PRKG1: variants seen among roughly 807,000 people sequenced by gnomAD.
The protein encoded by PRKG1 is protein kinase cGMP-dependent 1, also known as cGMP-dependent protein kinase 1.
A neutral mutation model predicts 88.1 loss-of-function variants in PRKG1; 35 were observed. The observed-to-expected ratio is 0.40, with a 90% CI of 0.30 to 0.53. The LOEUF is 0.53. Among genes scored for constraint, PRKG1 ranks in the 20% least tolerant of loss-of-function variants. The pLI is 0.59. For synonymous variants in PRKG1, 303 were observed against 292.5 expected (o/e 1.04, Z -0.37); for missense variants, 540 against 839.8 (o/e 0.64, Z 4.41).
intron 2 of PRKG1, among the ~76,000 whole-genome samples, chr10:51,396,967 A>T (rs569153978): frequency 6.6e-6 from 1 of 152,322 alleles, no homozygotes; most frequent in East Asian, 1.9e-4. Context: ...ATGAAAAGAA[A>T]ATATCAATAT....
intron 2 of PRKG1, among the ~76,000 whole-genome samples, chr10:51,409,032 T>C (rs1040504356): frequency 1.4e-4 from 21 of 152,288 alleles, no homozygotes; most frequent in African/African-American, 5.1e-4. Context: ...CATGAATCAG[T>C]ATATAATTGC....
chr10:51,015,213 C>A (rs2132727963), intron 1 of PRKG1, among the ~76,000 whole-genome samples: 1 of 152,324 alleles, frequency 6.6e-6, no homozygotes, highest in South Asian at 2.1e-4. Flanking sequence ...GAAAGAATGT[C>A]CAGACGCAGT....
intron 3 of PRKG1, among the ~76,000 whole-genome samples, chr10:51,620,755 T>C (rs900610183): frequency 2.6e-5 from 4 of 151,948 alleles, no homozygotes; most frequent in African/African-American, 9.7e-5. Context: ...ACTATCATTA[T>C]CCTGATTTTA....
chr10:52,275,440 C>G (rs1841849746), intron 12 of PRKG1, among the ~76,000 whole-genome samples: 1 of 152,064 alleles, frequency 6.6e-6, no homozygotes, highest in Non-Finnish European at 1.5e-5. Flanking sequence ...GAAAGAGTGT[C>G]CTTTCCCCAT....
intron 5 of PRKG1, among the ~76,000 whole-genome samples, chr10:51,964,028 G>T (rs1843510133): frequency 1.3e-5 from 2 of 152,102 alleles, no homozygotes. Context: ...AAAGTTCCAT[G>T]GAAAAAATCT....
chr10:51,733,747 T>C (rs914803972), intron 3 of PRKG1, among the ~76,000 whole-genome samples: 14 of 152,132 alleles, frequency 9.2e-5, no homozygotes, highest in African/African-American at 2.7e-4. Context: ...GTGTAATGGG[T>C]GAGCTGCCAA....
chr10:51,557,971 C>T lies in PRKG1; in HGVS notation c.592+90135C>T, dbSNP rs189102218. Among the ~76,000 whole-genome samples the T allele has an allele frequency of 2.4e-3, 368 of 152,078 alleles. 3 individuals are homozygous for T. The highest frequency in any genetic ancestry group is 8.6e-3 in the African/African-American group (358 of 41,496). Reference sequence around the variant, plus strand: ...GATTCAATATGCAGTTTTCAATTTCCAATCAAGGTTTCTATTGTGTACTTT... The same window carrying T: ...GATTCAATATGCAGTTTTCAATTTCTAATCAAGGTTTCTATTGTGTACTTT... On this transcript the variant is annotated intron_variant, in intron 3 of 17. Coordinates refer to ENST00000373980, the MANE Select transcript of PRKG1 (RefSeq NM_006258.4).
chr10:52,066,064 G>A (rs554363229), intron 7 of PRKG1, among the ~76,000 whole-genome samples: 47 of 152,032 alleles, frequency 3.1e-4, no homozygotes, highest in African/African-American at 1.0e-3. Flanking sequence ...TCACTTTCTC[G>A]CTATGGAACC....
intron 3 of PRKG1, among the ~76,000 whole-genome samples, chr10:51,629,915 C>T (rs1278256656): frequency 1.3e-5 from 2 of 152,178 alleles, no homozygotes; most frequent in East Asian, 1.9e-4. Context: ...ATGTTTGAAA[C>T]ATGTCAGAAA....
At chr10:52,082,180 G>T (rs1350014435) in intron 7 of PRKG1, among the ~76,000 whole-genome samples, 1 of 151,998 alleles carries the variant, frequency 6.6e-6, no homozygotes, top group Admixed American at 6.6e-5. Context: ...ACTCAGTATC[G>T]AAAGAACAGC....
chr10:51,850,212 T>A (rs1840511713), intron 4 of PRKG1, among the ~76,000 whole-genome samples: 1 of 152,222 alleles, frequency 6.6e-6, no homozygotes, highest in Admixed American at 6.5e-5. Flanking sequence ...GTTTTGCTCT[T>A]GTCACCCAGG....
At chr10:51,022,858 A>C (rs1180317774) in intron 1 of PRKG1, among the ~76,000 whole-genome samples, 1 of 152,136 alleles carries the variant, frequency 6.6e-6, no homozygotes, top group Non-Finnish European at 1.5e-5. Flanking sequence ...TTAGCTGGGC[A>C]TGGTGGTGGG....
intron 2 of PRKG1, among the ~76,000 whole-genome samples, chr10:51,194,078 A>G (rs986014281): frequency 1.3e-5 from 2 of 152,104 alleles, no homozygotes; most frequent in African/African-American, 2.4e-5. Flanking sequence ...TGTTTTTCAT[A>G]TCTCTTAACT....
intron 9 of PRKG1, among the ~76,000 whole-genome samples, chr10:52,204,924 G>C (rs1471279996): frequency 6.6e-6 from 1 of 152,112 alleles, no homozygotes; most frequent in African/African-American, 2.4e-5. Context: ...AAACGGGTAA[G>C]AGAAATATCA....
At chr10:52,086,914 G>T (rs1166734399) in intron 7 of PRKG1, among the ~76,000 whole-genome samples, 1 of 152,122 alleles carries the variant, frequency 6.6e-6, no homozygotes. Context: ...TTTTCACATG[G>T]CAGCAGCAAG....
chr10:51,787,971 G>A (rs897832697), intron 3 of PRKG1, among the ~76,000 whole-genome samples: 2 of 152,104 alleles, frequency 1.3e-5, no homozygotes, highest in African/African-American at 4.8e-5. Flanking sequence ...TGTGTCAACC[G>A]ACCTTTGGGT....
At chr10:51,326,382 G>C (rs1017164736) in intron 2 of PRKG1, among the ~76,000 whole-genome samples, 2 of 152,248 alleles carry the variant, frequency 1.3e-5, no homozygotes, top group Non-Finnish European at 2.9e-5. Context: ...ATAAGGTCTG[G>C]CATTCCTATG....
intron 2 of PRKG1, among the ~76,000 whole-genome samples, chr10:51,163,091 C>T (rs546275001): frequency 1.5e-4 from 22 of 150,636 alleles, no homozygotes; most frequent in Admixed American, 4.0e-4. Flanking sequence ...CTTGAATTCG[C>T]GAGGCGGAGG....
intron 1 of PRKG1, among the ~76,000 whole-genome samples, chr10:51,088,392 G>GT (rs35801594): frequency 0.62 from 85,160 of 138,326 alleles, 25,579 homozygotes; most frequent in East Asian, 0.78. Flanking sequence ...TTGGTTTTCA[G>GT]TTTTTTTTTT....
Sources: allele counts gnomAD v4.1 joint callset (sites outside exome capture counted in the v4.1 genomes callset), GRCh38; gene constraint gnomAD v4.1.1; transcripts MANE v1.5; gene names NCBI Gene and HGNC (gene_info 2026-07-23, HGNC 2026-07-21).